Variants in ZNF761 observed in about 807,000 individuals in gnomAD.
ZNF761 encodes zinc finger protein 761.
Under a neutral mutation model 59.9 loss-of-function variants are expected in ZNF761, and 43 were observed. The ratio of observed to expected loss-of-function variants is 0.72; its 90% CI spans 0.56 to 0.92. ZNF761 has a LOEUF of 0.92. Among genes scored for constraint, ZNF761 ranks in the 40% least tolerant of loss-of-function variants. The probability of loss-of-function intolerance (pLI) is 0.00; values close to 1 mark genes in which losing one functional copy is unlikely to be tolerated. For missense variants in ZNF761, 850 were observed against 906.1 expected (o/e 0.94, Z 0.79); for synonymous variants, 294 against 304.8 (o/e 0.96, Z 0.37).
In ZNF761 at chr19:53,456,156, A is replaced by C; in HGVS notation, c.1649A>C (p.Tyr550Ser). 6.2e-7 allele frequency: 1 copy of C among 1,614,118 alleles called. No individual in the cohort carries two copies. Among genetic ancestry groups the C allele is most frequent in the Non-Finnish European group, 8.5e-7 (1 of 1,179,996 alleles). The stretch of plus-strand genomic sequence containing the variant: ...AGACTTCATTCTGGAGAGAAACCTT[A>C]CAAGTGTAAGGAGTGTGGCAAGACC... ...HRRLHSGEKP[Y>S]KCKECGKTFN... Residue 550 changes from tyrosine (Y) to serine (S), a missense_variant, in exon 5 of 5, where the codon TAC becomes TCC. Transcript: ENST00000684525.
intron 1 of ZNF761, among the ~76,000 whole-genome samples, chr19:53,435,216 C>T (rs928687265): frequency 7.0e-6 from 1 of 142,642 alleles, no homozygotes; most frequent in African/African-American, 2.6e-5. Context: ...GGGGTTATAA[C>T]ATACATAAGG....
intron 2 of ZNF761, 156 bp from the exon 3 acceptor site, chr19:53,447,040 G>A: frequency 2.2e-6 from 1 of 446,612 alleles, no homozygotes; most frequent in South Asian, 2.7e-5. Context: ...TAGGAAAGAA[G>A]TGCGAGTTTT....
intron 1 of ZNF761, among the ~76,000 whole-genome samples, chr19:53,433,218 AGACG>A (rs2085995162): frequency 1.3e-5 from 2 of 152,194 alleles, no homozygotes; most frequent in Admixed American, 1.3e-4. Context: ...ATTTCAACAA[AGACG>A]GAGTGGGGTT....
chr19:53,439,785 G>C (rs1311295161), intron 1 of ZNF761, among the ~76,000 whole-genome samples: 2 of 152,104 alleles, frequency 1.3e-5, no homozygotes, highest in African/African-American at 4.8e-5. Context: ...ACTGGCATTG[G>C]ACTAAAATCT....
At position 53,456,762 on chromosome 19, in the gene ZNF761, GT is replaced by G; in HGVS notation, c.*19del. Reference sequence around the variant, plus strand: ...AAACAAGTGTAATGAATGTGGTGAGGTTTTTAATCAACAAGCACACCTTGCA... The same window carrying G: ...AAACAAGTGTAATGAATGTGGTGAGGTTTTAATCAACAAGCACACCTTGCA... On this transcript the variant is annotated 3_prime_UTR_variant, in exon 5 of 5. Transcript: ENST00000684525. 3 of 1,612,246 alleles carry G rather than the reference GT, an allele frequency of 1.9e-6. No individual in the cohort carries two copies. In the South Asian group the frequency reaches 3.3e-5, roughly 18 times the overall value.
In ZNF761 at chr19:53,455,812, C is replaced by G. The variant is rs2086263466; in HGVS notation, c.1305C>G (p.Asp435Glu). Residue 435 changes from aspartate (D) to glutamate (E), a missense_variant, in exon 5 of 5, where the codon GAC (aspartate) becomes GAG (glutamate). Asp to Glu is a conservative substitution (Grantham distance 45, BLOSUM62 2). Transcript: ENST00000684525. ...TACATCGGAAAATTCATACTGAAGA[C>G]AATGCTTACAAGTGTAATGAGTGTG... is the stretch of plus-strand genomic sequence containing the variant. The part of the protein sequence containing the change: ...FEIHRKIHTE[D>E]NAYKCNECGK... 2 of 1,612,130 alleles carry G rather than the reference C, an allele frequency of 1.2e-6. No homozygotes were observed. The highest frequency in any genetic ancestry group is 1.7e-6 in the Non-Finnish European group (2 of 1,179,538).
At chr19:53,434,264 A>C (rs1428402372) in intron 1 of ZNF761, among the ~76,000 whole-genome samples, 1 of 152,030 alleles carries the variant, frequency 6.6e-6, no homozygotes, top group East Asian at 1.9e-4. Flanking sequence ...ATTTCTATGT[A>C]TTTCCTTATG....
intron 1 of ZNF761, among the ~76,000 whole-genome samples, chr19:53,439,615 G>C (rs955382060): frequency 5.9e-5 from 9 of 152,144 alleles, no homozygotes; most frequent in African/African-American, 2.2e-4. Flanking sequence ...GCTAGCACTT[G>C]CTGGAATAAG....
rs1417236138 is a variant in ZNF761 at position 53,457,646 on chromosome 19, ATTGAC to A, written c.*901_*905del. 2 of 253,960 alleles carry A rather than the reference ATTGAC, an allele frequency of 7.9e-6. No individual in the cohort carries two copies. Among genetic ancestry groups the A allele is most frequent in the South Asian group, 5.0e-5 (1 of 20,000 alleles). 15.7% of individuals were successfully genotyped at this position (253,960 alleles called of 1,614,324 possible). On this transcript the variant is annotated 3_prime_UTR_variant, in exon 5 of 5. Transcript: ENST00000684525. Reference sequence around the variant, plus strand: ...CAATTCAGCATTGACTTGAGTTTGTATTGACTTAACATTGAGTTCAAGCATTAATT... The same window carrying A: ...CAATTCAGCATTGACTTGAGTTTGTATTAACATTGAGTTCAAGCATTAATT...
chr19:53,455,873 C>T lies in ZNF761; in HGVS notation c.1366C>T (p.His456Tyr). The change falls in exon 5 of 5, where the codon CAT (histidine) becomes TAT (tyrosine). Residue 456 changes from histidine (H) to tyrosine (Y), a missense_variant. By Grantham distance (83) the His-to-Tyr change is moderately conservative (BLOSUM62 2). Coordinates refer to ENST00000684525, the MANE Select transcript of ZNF761 (RefSeq NM_001289951.2). ...TFSRTSSLTC[H>Y]RRRHTGEQPY... Reference sequence around the variant, plus strand: ...TAGCCGGACATCATCCCTTACATGCCATCGTAGACGTCATACTGGAGAGCA... The same window carrying T: ...TAGCCGGACATCATCCCTTACATGCTATCGTAGACGTCATACTGGAGAGCA... The T allele has an allele frequency of 6.2e-7, 1 of 1,613,734 alleles. No individual in the cohort carries two copies. Among genetic ancestry groups the T allele is most frequent in the Non-Finnish European group, 8.5e-7 (1 of 1,179,896 alleles).
At chr19:53,433,037 T>C (rs556523383) in intron 1 of ZNF761, among the ~76,000 whole-genome samples, 58,145 of 122,194 alleles carry the variant, frequency 0.48, 10,929 homozygotes, top group African/African-American at 0.59. Context: ...TGCTAGAGAG[T>C]GGGGACAGGG....
At chr19:53,439,961 G>A (rs4539721) in intron 1 of ZNF761, among the ~76,000 whole-genome samples, 45,048 of 151,956 alleles carry the variant, frequency 0.3, 7,716 homozygotes, top group South Asian at 0.54. Context: ...TATACTCCAG[G>A]AATTTCTTTA....
At chr19:53,434,626 G>A (rs1201004137) in intron 1 of ZNF761, among the ~76,000 whole-genome samples, 4 of 152,198 alleles carry the variant, frequency 2.6e-5, no homozygotes, top group South Asian at 4.1e-4. Flanking sequence ...TTCTTCCAGT[G>A]AGTCTGTAAA....
chr19:53,440,652 T>C (rs1408315224), intron 1 of ZNF761, among the ~76,000 whole-genome samples: 2 of 151,548 alleles, frequency 1.3e-5, no homozygotes, highest in East Asian at 3.9e-4. Context: ...TCTATTTCTG[T>C]TATTACATAA....
intron 2 of ZNF761, 134 bp from the exon 3 acceptor site, chr19:53,447,062 T>A: frequency 2.0e-6 from 1 of 503,700 alleles, no homozygotes; most frequent in South Asian, 2.6e-5. Flanking sequence ...CTGTGGCAGT[T>A]TATCATCCCT....
At chr19:53,451,434 C>T (rs371016504) in intron 4 of ZNF761, among the ~76,000 whole-genome samples, 1 of 152,122 alleles carries the variant, frequency 6.6e-6, no homozygotes. Context: ...GTCAGAAACC[C>T]CTGCCCTCAA....
chr19:53,432,979 G>C (rs2085989111), intron 1 of ZNF761, among the ~76,000 whole-genome samples: 1 of 151,428 alleles, frequency 6.6e-6, no homozygotes, highest in African/African-American at 2.4e-5. Context: ...TGGTGGCAAG[G>C]AGAACAGAGG....
rs146766026 is a variant in ZNF761, at chr19:53,450,841, C to T, written c.142+1203C>T. Among the ~76,000 whole-genome samples, 304 of 152,106 alleles carry T rather than the reference C, an allele frequency of 2.0e-3. 1 individual carries two copies. The highest frequency in any genetic ancestry group is 7.1e-3 in the African/African-American group (293 of 41,506). On this transcript the variant is annotated intron_variant, in intron 4 of 4. Transcript: ENST00000684525. ...GCGAAACTCCATCTCTACTAAAATA[C>T]AAAAATTAGCCGGACACTGTGATGG...
chr19:53,435,359 C>T (rs1391553709), intron 1 of ZNF761, among the ~76,000 whole-genome samples: 1 of 115,678 alleles, frequency 8.6e-6, no homozygotes, highest in Non-Finnish European at 1.6e-5. Flanking sequence ...GTCTGGAGTG[C>T]AATGGCATGA....
Sources: gnomAD v4.1 joint callset for allele counts (sites outside exome capture counted in the v4.1 genomes callset) on GRCh38, gnomAD v4.1.1 for gene constraint, MANE v1.5 for transcripts, NCBI Gene and HGNC (gene_info 2026-07-23, HGNC 2026-07-21) for gene names.